The following ANKS1B variants were observed in gnomAD, a reference collection of about 807,000 sequenced individuals.
The protein encoded by ANKS1B is ankyrin repeat and sterile alpha motif domain-containing protein 1B.
ANKS1B carries 36 observed loss-of-function variants against 148.3 expected under a neutral mutation model. The ratio of observed to expected loss-of-function variants is 0.24; its 90% confidence interval spans 0.19 to 0.32. ANKS1B has a LOEUF of 0.32. Among genes scored for constraint, ANKS1B ranks in the 10% least tolerant of loss-of-function variants. ANKS1B has a pLI of 1.00. For synonymous variants in ANKS1B, 542 were observed against 560.8 expected (o/e 0.97, Z 0.47); for missense variants, 1,157 against 1,542.6 (o/e 0.75, Z 4.19).
chr12:99,199,766 C>T (rs1267650298), intron 14 of ANKS1B, among the ~76,000 whole-genome samples: 1 of 152,150 alleles, frequency 6.6e-6, no homozygotes, highest in Non-Finnish European at 1.5e-5. Flanking sequence ...TGCCATCCTT[C>T]AGCTATGATA....
intron 12 of ANKS1B, among the ~76,000 whole-genome samples, chr12:99,350,829 G>T (rs1325856507): frequency 6.6e-6 from 1 of 152,042 alleles, no homozygotes; most frequent in African/African-American, 2.4e-5. Context: ...TTTTCAAAAT[G>T]ATTGGATCAC....
intron 9 of ANKS1B, among the ~76,000 whole-genome samples, chr12:99,555,024 T>TGG (rs1452338088): frequency 6.6e-6 from 1 of 152,174 alleles, no homozygotes; most frequent in Non-Finnish European, 1.5e-5. Context: ...GCAAAAGACA[T>TGG]GATCTCACCA....
intron 25 of ANKS1B, among the ~76,000 whole-genome samples, chr12:98,769,413 C>T (rs996374012): frequency 6.6e-6 from 1 of 151,754 alleles, no homozygotes; most frequent in Non-Finnish European, 1.5e-5. Context: ...AAACTGTTCA[C>T]CTGGAGAAGA....
chr12:99,493,291 T>C lies in ANKS1B; in HGVS notation c.1438+11185A>G, dbSNP rs117059371. Among the ~76,000 whole-genome samples the C allele has an allele frequency of 4.9e-3, 750 of 152,262 alleles. 3 individuals carry two copies. Among genetic ancestry groups the C allele is most frequent in the Non-Finnish European group, 8.0e-3 (545 of 68,016 alleles). On this transcript the variant is annotated intron_variant, in intron 10 of 26. Transcript: ENST00000683438. ...GTTTAAGGAGGGTGATGCAATCAGATTTGTGGTTTTAAGATTACTTTGACT... is the reference window on the plus strand; with the variant it reads ...GTTTAAGGAGGGTGATGCAATCAGACTTGTGGTTTTAAGATTACTTTGACT...
intron 2 of ANKS1B, among the ~76,000 whole-genome samples, chr12:99,822,714 T>C (rs2082663244): frequency 6.6e-6 from 1 of 152,210 alleles, no homozygotes; most frequent in Admixed American, 6.5e-5. Flanking sequence ...ATTGATTCCA[T>C]GTCTTTGCTA....
At chr12:99,931,646 AT>A (rs2094618589) in intron 1 of ANKS1B, among the ~76,000 whole-genome samples, 1 of 152,122 alleles carries the variant, frequency 6.6e-6, no homozygotes, top group Non-Finnish European at 1.5e-5. Flanking sequence ...AGAATGTTTT[AT>A]TTTTATGGGT....
At chr12:99,887,943 C>A (rs1181861960) in intron 1 of ANKS1B, among the ~76,000 whole-genome samples, 1 of 152,160 alleles carries the variant, frequency 6.6e-6, no homozygotes, top group Non-Finnish European at 1.5e-5. Context: ...AGGTATGACA[C>A]AAGTATGACC....
intron 10 of ANKS1B, among the ~76,000 whole-genome samples, chr12:99,481,032 TA>T (rs980497502): frequency 3.3e-5 from 5 of 151,346 alleles, no homozygotes; most frequent in African/African-American, 9.7e-5. Flanking sequence ...TGTCTTTTTT[TA>T]AAAAAAAATT....
At chr12:98,974,754 C>A (rs1346180506) in intron 17 of ANKS1B, among the ~76,000 whole-genome samples, 1 of 152,092 alleles carries the variant, frequency 6.6e-6, no homozygotes, top group Non-Finnish European at 1.5e-5. Context: ...GGAGTATGAG[C>A]CAGTAGTCAT....
At chr12:99,027,552 T>C (rs1011730103) in intron 17 of ANKS1B, among the ~76,000 whole-genome samples, 6 of 152,220 alleles carry the variant, frequency 3.9e-5, no homozygotes, top group Non-Finnish European at 7.3e-5. Flanking sequence ...ACTTCCAGCA[T>C]ATTATACTGC....
intron 17 of ANKS1B, among the ~76,000 whole-genome samples, chr12:98,962,523 G>T (rs1024060480): frequency 1.3e-5 from 2 of 151,954 alleles, no homozygotes; most frequent in Non-Finnish European, 2.9e-5. Flanking sequence ...AACAGTTTCA[G>T]CATTGAACAA....
intron 22 of ANKS1B, chr12:98,794,413 A>G: frequency 4.2e-6 from 1 of 239,668 alleles, no homozygotes; most frequent in South Asian, 5.6e-5. Flanking sequence ...AAAAAAAAAA[A>G]AAAAAAAAAA....
intron 10 of ANKS1B, among the ~76,000 whole-genome samples, chr12:99,465,888 A>T (rs1246172348): frequency 1.3e-5 from 2 of 152,168 alleles, no homozygotes; most frequent in East Asian, 3.9e-4. Context: ...GATCAACGAG[A>T]CAGAAAGTTA....
chr12:99,442,594 C>A (rs1233664565), intron 11 of ANKS1B, among the ~76,000 whole-genome samples: 1 of 151,862 alleles, frequency 6.6e-6, no homozygotes, highest in Non-Finnish European at 1.5e-5. Context: ...CACTGAAACA[C>A]AAATTGCACT....
At chr12:98,917,135 A>T (rs1490856148) in intron 17 of ANKS1B, among the ~76,000 whole-genome samples, 1 of 151,840 alleles carries the variant, frequency 6.6e-6, no homozygotes, top group Non-Finnish European at 1.5e-5. Flanking sequence ...TAATTTTTAA[A>T]TTTTTCGTAG....
rs1254961349 is a variant in ANKS1B at position 99,677,154 on chromosome 12, A to G, written c.1129-21944T>C. Among the ~76,000 whole-genome samples the G allele has an allele frequency of 2.0e-5, 3 of 152,350 alleles. No individual in the cohort carries two copies. The East Asian group carries it at 5.8e-4, about 29-fold the overall frequency. On this transcript the variant is annotated intron_variant, in intron 8 of 26. Transcript: ENST00000683438. ...AAAAGTGAATCTTTAGCTTTCTTCT[A>G]AGTACACTTTTGCGCTCCTACATCT...
At chr12:99,093,555 G>A (rs1422116469) in intron 15 of ANKS1B, 5 of 152,232 alleles carry the variant, frequency 3.3e-5, no homozygotes, top group African/African-American at 1.2e-4. Flanking sequence ...AGCAGAGGAT[G>A]TCTGGGGACA....
chr12:99,074,669 C>T (rs2047282145), intron 16 of ANKS1B, among the ~76,000 whole-genome samples: 1 of 152,172 alleles, frequency 6.6e-6, no homozygotes, highest in South Asian at 2.1e-4. Context: ...GAAATGCAGG[C>T]CGCCAGTGCT....
At chr12:99,249,241 A>T (rs144126573) in intron 12 of ANKS1B, among the ~76,000 whole-genome samples, 3 of 149,510 alleles carry the variant, frequency 2.0e-5, no homozygotes, top group African/African-American at 7.3e-5. Flanking sequence ...TTGTGGGAAA[A>T]AGATTCTGTA....
Sources: gnomAD v4.1 joint callset for allele counts (sites outside exome capture counted in the v4.1 genomes callset) on GRCh38, gnomAD v4.1.1 for gene constraint, MANE v1.5 for transcripts, NCBI Gene and HGNC (gene_info 2026-07-23, HGNC 2026-07-21) for gene names.